KCNIP4: variants seen among roughly 807,000 people sequenced by gnomAD.
KCNIP4 encodes potassium voltage-gated channel interacting protein 4, also known as Kv channel-interacting protein 4.
In KCNIP4, 12 loss-of-function variants were observed where a neutral mutation model predicts 34.0. The ratio of observed to expected loss-of-function variants is 0.35; its 90% CI spans 0.23 to 0.57. KCNIP4 has a LOEUF of 0.57. KCNIP4 is among the 20% of genes least tolerant of loss of function. The pLI, the probability that KCNIP4 is intolerant of heterozygous loss-of-function variation, is 0.83. For synonymous variants in KCNIP4, 124 were observed against 102.2 expected, an observed-to-expected ratio of 1.21 and a Z score of -1.29; for missense variants, 238 against 311.7, an observed-to-expected ratio of 0.76 and a Z score of 1.78.
At chr4:21,071,743 T>C (rs1448336348) in intron 1 of KCNIP4, among the ~76,000 whole-genome samples, 1 of 152,142 alleles carries the variant, frequency 6.6e-6, no homozygotes, top group Non-Finnish European at 1.5e-5. Flanking sequence ...GCTGCACCCA[T>C]TAACTCGTCA....
intron 1 of KCNIP4, among the ~76,000 whole-genome samples, chr4:21,105,901 T>C (rs1748473958): frequency 6.6e-6 from 1 of 151,626 alleles, no homozygotes; most frequent in Non-Finnish European, 1.5e-5. Flanking sequence ...ATTACATTTA[T>C]TGATTTGCAT....
At chr4:20,765,829 G>A (rs1202124919) in intron 3 of KCNIP4, among the ~76,000 whole-genome samples, 4 of 152,102 alleles carry the variant, frequency 2.6e-5, no homozygotes, top group Admixed American at 1.3e-4. Context: ...AGAAACAGTC[G>A]CCTTTTGGGG....
chr4:21,849,397 T>C (rs1413577371), intron 1 of KCNIP4: 2 of 152,154 alleles, frequency 1.3e-5, no homozygotes, highest in Non-Finnish European at 2.9e-5. Flanking sequence ...CTCTTTCTAT[T>C]ATAAGAGTGG....
intron 1 of KCNIP4, among the ~76,000 whole-genome samples, chr4:21,862,813 T>A (rs1444623984): frequency 6.6e-6 from 1 of 151,944 alleles, no homozygotes; most frequent in East Asian, 1.9e-4. Flanking sequence ...TACAAAAAAT[T>A]AGCCGGGCGT....
At chr4:21,129,573 C>T (rs1750902998) in intron 1 of KCNIP4, among the ~76,000 whole-genome samples, 1 of 152,192 alleles carries the variant, frequency 6.6e-6, no homozygotes, top group African/African-American at 2.4e-5. Context: ...CAGGTGCAAA[C>T]TTTGCATATT....
intron 1 of KCNIP4, among the ~76,000 whole-genome samples, chr4:21,780,939 C>G (rs751676377): frequency 3.9e-5 from 6 of 152,176 alleles, no homozygotes; most frequent in Non-Finnish European, 7.3e-5. Context: ...ATTTTTGCTT[C>G]TGTCTTCACA....
chr4:20,901,325 G>A (rs375327829), intron 1 of KCNIP4, among the ~76,000 whole-genome samples: 3 of 152,170 alleles, frequency 2.0e-5, no homozygotes, highest in East Asian at 3.9e-4. Context: ...TATTTAAAAT[G>A]TAATAAGGAC....
At chr4:20,815,127 A>G (rs1384478883) in intron 3 of KCNIP4, among the ~76,000 whole-genome samples, 2 of 152,176 alleles carry the variant, frequency 1.3e-5, no homozygotes, top group Non-Finnish European at 2.9e-5. Flanking sequence ...AATGCCTCCT[A>G]TATCAGCTGT....
At chr4:21,666,159 A>C (rs1263918094) in intron 1 of KCNIP4, among the ~76,000 whole-genome samples, 1 of 152,220 alleles carries the variant, frequency 6.6e-6, no homozygotes, top group Non-Finnish European at 1.5e-5. Flanking sequence ...ATAAAAATCA[A>C]GTTGAAATGT....
intron 1 of KCNIP4, among the ~76,000 whole-genome samples, chr4:21,858,556 C>T (rs895683934): frequency 5.3e-5 from 8 of 152,018 alleles, no homozygotes; most frequent in Non-Finnish European, 1.2e-4. Flanking sequence ...TATGGTTATG[C>T]GATGAAGAAT....
At chr4:21,463,656 T>G (rs1585423) in intron 1 of KCNIP4, among the ~76,000 whole-genome samples, 29,531 of 152,048 alleles carry the variant, frequency 0.19, 3,425 homozygotes, top group Non-Finnish European at 0.27. Context: ...TAAGAGATAC[T>G]GCTCTCTAGT....
At chr4:21,862,571 A>T (rs1311147560) in intron 1 of KCNIP4, among the ~76,000 whole-genome samples, 1 of 152,214 alleles carries the variant, frequency 6.6e-6, no homozygotes, top group Non-Finnish European at 1.5e-5. Context: ...ACAAAGCTTC[A>T]TCGAGAAAGT....
At chr4:21,815,741 T>C (rs928821428) in intron 1 of KCNIP4, among the ~76,000 whole-genome samples, 5 of 152,152 alleles carry the variant, frequency 3.3e-5, no homozygotes, top group African/African-American at 1.2e-4. Context: ...AATATTATTC[T>C]AGTATACTTT....
chr4:21,552,617 C>A (rs571829391), intron 1 of KCNIP4, among the ~76,000 whole-genome samples: 2 of 152,200 alleles, frequency 1.3e-5, no homozygotes, highest in South Asian at 4.1e-4. Context: ...ATGTCTGCAA[C>A]TGAGAATACT....
intron 1 of KCNIP4, among the ~76,000 whole-genome samples, chr4:20,989,760 C>A (rs147627531): frequency 5.3e-5 from 8 of 151,986 alleles, no homozygotes; most frequent in Non-Finnish European, 8.8e-5. Flanking sequence ...CTTGAGTTCA[C>A]AAGTTCAAGA....
At chr4:21,714,824 ATTT>A (rs1202406425) in intron 1 of KCNIP4, among the ~76,000 whole-genome samples, 2 of 198 alleles carry the variant, frequency 0.01, no homozygotes, top group Non-Finnish European at 7.4e-3. Context: ...ATTTTATTTT[ATTT>A]TATTTTATTT....
intron 1 of KCNIP4, among the ~76,000 whole-genome samples, chr4:21,273,626 CTATTTTAACA>C (rs2109141895): frequency 6.6e-6 from 1 of 152,250 alleles, no homozygotes; most frequent in Non-Finnish European, 1.5e-5. Flanking sequence ...ATGTAGAATG[CTATTTTAACA>C]TATTTAATAC....
chr4:21,324,618 T>C (rs1195862052), intron 1 of KCNIP4, among the ~76,000 whole-genome samples: 2 of 150,804 alleles, frequency 1.3e-5, no homozygotes, highest in African/African-American at 4.8e-5. Context: ...CTGTCTGTTT[T>C]TATGCCAGTG....
chr4:21,475,696 G>A (rs954790026), intron 1 of KCNIP4, among the ~76,000 whole-genome samples: 3 of 152,064 alleles, frequency 2.0e-5, no homozygotes, highest in Non-Finnish European at 1.5e-5. Flanking sequence ...TGCAAATTTG[G>A]CTATATCGCA....
Sources: allele counts gnomAD v4.1 joint callset (sites outside exome capture counted in the v4.1 genomes callset), GRCh38; gene constraint gnomAD v4.1.1; transcripts MANE v1.5; gene names NCBI Gene and HGNC (gene_info 2026-07-23, HGNC 2026-07-21).